TUSC3: variants seen among roughly 807,000 people sequenced by gnomAD.
TUSC3 encodes tumor suppressor candidate 3.
Under a neutral mutation model 44.8 loss-of-function variants are expected in TUSC3, and 45 were observed. The observed-to-expected ratio is 1.00, with a 90% CI of 0.79 to 1.29. The LOEUF is 1.29. Among genes scored for constraint, TUSC3 ranks in the 50% most tolerant of loss-of-function variants. TUSC3 has a pLI of 0.00. For synonymous variants in TUSC3, 212 were observed against 152.9 expected (o/e 1.39, Z -2.85); for missense variants, 519 against 437.9 (o/e 1.19, Z -1.65).
At chr8:15,560,614 C>G in intron 1 of TUSC3, among the ~76,000 whole-genome samples, 1 of 127,810 alleles carries the variant, frequency 7.8e-6, no homozygotes, top group African/African-American at 2.7e-5. Flanking sequence ...AACTTGGTTC[C>G]ATTCTCCCCA....
intron 1 of TUSC3, among the ~76,000 whole-genome samples, chr8:15,445,863 C>T (rs571325178): frequency 2.3e-4 from 35 of 152,104 alleles, no homozygotes; most frequent in East Asian, 5.8e-4. Context: ...GGGTGGCGGC[C>T]GGGCAGAGGG....
chr8:15,504,621 A>AT lies in TUSC3; in HGVS notation n.189+21159dup, dbSNP rs869264757. ...TATATATATATATATATATATATAT[A>AT]TTTTTTTTTTTTTTTTTTTTTAAGT... On this transcript the variant is annotated intron_variant and non_coding_transcript_variant, in intron 2 of 5. Coordinates refer to the TUSC3 transcript ENST00000503191. Among the ~76,000 whole-genome samples the AT allele has an allele frequency of 2.0e-3, 40 of 20,282 alleles. 2 individuals are homozygous for AT. Among genetic ancestry groups the AT allele is most frequent in the South Asian group, 9.0e-3 (3 of 334 alleles). The allele number at this position is 20,282 out of a possible 152,430, so 13.3% of individuals were successfully genotyped here. A position where few individuals can be genotyped will look rare whatever the true frequency, so the allele number is the denominator to read the frequency against.
intron 2 of TUSC3, among the ~76,000 whole-genome samples, chr8:15,498,983 C>T (rs925857597): frequency 1.3e-5 from 2 of 152,180 alleles, no homozygotes; most frequent in African/African-American, 4.8e-5. Flanking sequence ...CCTTATGGAA[C>T]TAGTCCTGAG....
At chr8:15,634,110 T>A (rs1805953982) in intron 2 of TUSC3, among the ~76,000 whole-genome samples, 1 of 152,138 alleles carries the variant, frequency 6.6e-6, no homozygotes, top group Admixed American at 6.5e-5. Context: ...ATACCTAATG[T>A]GGTATTGGAG....
chr8:15,540,684 G>T (rs899286317), intron 1 of TUSC3, 116 bp downstream of exon 1: 6 of 1,361,066 alleles, frequency 4.4e-6, no homozygotes, highest in African/African-American at 3.0e-5. Context: ...GGGCGATGCC[G>T]GCGCTGGGGC....
At chr8:15,576,587 T>TAGTA (rs574693426) in intron 1 of TUSC3, among the ~76,000 whole-genome samples, 1,660 of 147,200 alleles carry the variant, frequency 0.011, 39 homozygotes, top group African/African-American at 0.041. Context: ...TTGTGATAGT[T>TAGTA]TACTGAGAAT....
intron 1 of TUSC3, among the ~76,000 whole-genome samples, chr8:15,469,204 C>T (rs915919171): frequency 6.6e-6 from 1 of 152,180 alleles, no homozygotes; most frequent in African/African-American, 2.4e-5. Flanking sequence ...GTGAAAGACA[C>T]TGTCTAGAGA....
intron 1 of TUSC3, among the ~76,000 whole-genome samples, chr8:15,610,955 G>C (rs1363815993): frequency 6.6e-6 from 1 of 152,100 alleles, no homozygotes; most frequent in East Asian, 1.9e-4. Flanking sequence ...TATGTCTCTA[G>C]AAAAAGTTCA....
At chr8:15,743,501 A>G (rs753083667) in intron 7 of TUSC3, 37 bp from the exon 8 acceptor site, 1 of 1,606,554 alleles carries the variant, frequency 6.2e-7, no homozygotes, top group Non-Finnish European at 8.5e-7. Flanking sequence ...GATTTTATTC[A>G]CATCTATGTC....
intron 1 of TUSC3, among the ~76,000 whole-genome samples, chr8:15,614,397 T>G (rs759669514): frequency 6.6e-6 from 1 of 152,182 alleles, no homozygotes. Flanking sequence ...GAAATCAGTT[T>G]TAGAACATTT....
intron 2 of TUSC3, among the ~76,000 whole-genome samples, chr8:15,501,740 C>G (rs1158084057): frequency 1.3e-5 from 2 of 152,208 alleles, no homozygotes; most frequent in Non-Finnish European, 2.9e-5. Flanking sequence ...ATAGATAACA[C>G]TTACTGAGTG....
Position 15,477,549 on chromosome 8 carries a change from C to T in TUSC3, n.92-5837C>T, listed in dbSNP as rs188617844. Among the ~76,000 whole-genome samples, 433 of 151,950 alleles carry T rather than the reference C, an allele frequency of 2.8e-3. 9 individuals carry two copies. Among genetic ancestry groups the T allele is most frequent in the Admixed American group, 0.022 (341 of 15,236 alleles). ...CATCCTGGCTAACATGGTGAAATCC[C>T]GTCTCTACTAAAAATACAAAAAATT... is the stretch of plus-strand genomic sequence containing the variant. On this transcript the variant is annotated intron_variant and non_coding_transcript_variant, in intron 1 of 5. Transcript: ENST00000503191.
At chr8:15,522,295 C>T (rs1801309657) in intron 2 of TUSC3, among the ~76,000 whole-genome samples, 1 of 151,604 alleles carries the variant, frequency 6.6e-6, no homozygotes, top group South Asian at 2.1e-4. Flanking sequence ...TGCAGTGGTG[C>T]TATCTTGGCT....
intron 2 of TUSC3, among the ~76,000 whole-genome samples, chr8:15,491,533 GAGAT>G (rs1244618330): frequency 6.6e-6 from 1 of 152,054 alleles, no homozygotes; most frequent in Non-Finnish European, 1.5e-5. Context: ...TTCTAGTCAA[GAGAT>G]AGAGTTAAAA....
rs1455081150 is a variant in TUSC3, at chr8:15,567,322, A to AG, written c.138+26754_138+26755insG. ...TACTGTTTCTTTACTTAGCCACCAAACATTAATCACTGTCTTGGTTCTAGC... is the reference window on the plus strand; with the variant it reads ...TACTGTTTCTTTACTTAGCCACCAAAGCATTAATCACTGTCTTGGTTCTAGC... On this transcript the variant is annotated intron_variant, in intron 1 of 10. Coordinates refer to ENST00000503731, the MANE Select transcript of TUSC3 (RefSeq NM_006765.4). Among the ~76,000 whole-genome samples, 7 of 152,298 alleles carry AG rather than the reference A, an allele frequency of 4.6e-5. No individual in the cohort carries two copies. In the East Asian group the frequency reaches 1.4e-3, roughly 29 times the overall value.
At chr8:15,719,813 A>T (rs985884334) in intron 6 of TUSC3, among the ~76,000 whole-genome samples, 4 of 152,068 alleles carry the variant, frequency 2.6e-5, no homozygotes, top group Non-Finnish European at 5.9e-5. Context: ...AAAAAGCTCA[A>T]TTCTACACAG....
In TUSC3 at chr8:15,520,794, A is replaced by C. The variant is rs78281946; in HGVS notation, n.189+37311A>C. Among the ~76,000 whole-genome samples the C allele has an allele frequency of 9.3e-3, 1,424 of 152,306 alleles. 22 individuals are homozygous for C. Among genetic ancestry groups the C allele is most frequent in the African/African-American group, 0.032 (1,346 of 41,562 alleles). On this transcript the variant is annotated intron_variant and non_coding_transcript_variant, in intron 2 of 5. Transcript: ENST00000503191. ...ATAAAGTATTCAACAAACATACAGT[A>C]AGGTTTTTCTGTGTTCTAGTTCAAG...
At chr8:15,497,613 C>A (rs774714332) in intron 2 of TUSC3, among the ~76,000 whole-genome samples, 28 of 151,912 alleles carry the variant, frequency 1.8e-4, no homozygotes, top group Admixed American at 1.8e-3. Flanking sequence ...TTAGAGAATA[C>A]GAATATAGAC....
At chr8:15,758,100 G>C in intron 10 of TUSC3, 1 of 1,265,162 alleles carries the variant, frequency 7.9e-7, no homozygotes, top group Non-Finnish European at 1.0e-6. Context: ...CAGATGCAAT[G>C]CTTCCACCCC....
Sources: allele counts gnomAD v4.1 joint callset (sites outside exome capture counted in the v4.1 genomes callset), GRCh38; gene constraint gnomAD v4.1.1; transcripts MANE v1.5; gene names NCBI Gene and HGNC (gene_info 2026-07-23, HGNC 2026-07-21).